ZZZ3: variants seen among roughly 807,000 people sequenced by gnomAD.
The protein encoded by ZZZ3 is zinc finger ZZ-type containing 3.
ZZZ3 carries 22 observed loss-of-function variants against 95.2 expected under a neutral mutation model. The ratio of observed to expected loss-of-function variants is 0.23; its 90% CI spans 0.17 to 0.33. The LOEUF (loss-of-function observed/expected upper bound fraction) is 0.33, where lower values mean the gene tolerates loss of function less well. Among genes scored for constraint, ZZZ3 ranks in the 10% least tolerant of loss-of-function variants. The probability of loss-of-function intolerance (pLI) is 1.00; values close to 1 mark genes in which losing one functional copy is unlikely to be tolerated. For missense variants in ZZZ3, 885 were observed against 1,066.5 expected, an observed-to-expected ratio of 0.83 and a Z score of 2.37; for synonymous variants, 335 against 358.9, an observed-to-expected ratio of 0.93 and a Z score of 0.75.
At chr1:77,656,622 A>T (rs898596636) in intron 1 of ZZZ3, among the ~76,000 whole-genome samples, 7 of 152,240 alleles carry the variant, frequency 4.6e-5, no homozygotes, top group Admixed American at 3.9e-4. Context: ...CTTGAATCTT[A>T]TCAGATATGC....
At chr1:77,583,477 G>T (rs1047864532) in intron 6 of ZZZ3, among the ~76,000 whole-genome samples, 1 of 152,074 alleles carries the variant, frequency 6.6e-6, no homozygotes, top group African/African-American at 2.4e-5. Flanking sequence ...AACCTTAGAA[G>T]TTTTAACAAA....
At position 77,568,459 on chromosome 1, in the gene ZZZ3, T is replaced by C; in HGVS notation, c.2339A>G (p.Glu780Gly). 8.3e-7 allele frequency: 1 copy of C among 1,212,030 alleles called. No individual in the cohort carries two copies. Among genetic ancestry groups the C allele is most frequent in the Non-Finnish European group, 1.1e-6 (1 of 885,360 alleles). The allele number at this position is 1,212,030 out of a possible 1,614,324, so 75.1% of individuals were successfully genotyped here. A position where few individuals can be genotyped will look rare whatever the true frequency, so the allele number is the denominator to read the frequency against. ...ATTCCTATACATGATAGGAATACTT[T>C]CGTCATCCTATCAAAAAAAAAAAAA... ...NTAVEDASDD[E>G]SIPIMYRNLP... Residue 780 changes from glutamate (E) to glycine (G), a missense_variant, in exon 13 of 15, where the codon GAA becomes GGA. Glu to Gly is a moderately conservative substitution (Grantham distance 98, BLOSUM62 -2). Coordinates refer to ENST00000370801, the MANE Select transcript of ZZZ3 (RefSeq NM_015534.6).
chr1:77,574,636 T>C (rs954780628), intron 12 of ZZZ3, among the ~76,000 whole-genome samples: 1 of 152,120 alleles, frequency 6.6e-6, no homozygotes, highest in African/African-American at 2.4e-5. Context: ...AAGATGAGCC[T>C]GGATTTTCCT....
At chr1:77,598,396 G>A (rs1664416286) in intron 5 of ZZZ3, among the ~76,000 whole-genome samples, 1 of 152,066 alleles carries the variant, frequency 6.6e-6, no homozygotes, top group Non-Finnish European at 1.5e-5. Context: ...AGGAGGGGTT[G>A]GTCTTGCTGT....
intron 5 of ZZZ3, among the ~76,000 whole-genome samples, chr1:77,625,622 C>T (rs1172540202): frequency 6.6e-6 from 1 of 152,108 alleles, no homozygotes; most frequent in African/African-American, 2.4e-5. Flanking sequence ...AGGAAAAAAA[C>T]AGACCTATTC....
rs149055318 is a variant in ZZZ3, at chr1:77,632,262, T to A, written c.1093A>T (p.Met365Leu). The A allele has an allele frequency of 1.8e-5, 29 of 1,614,080 alleles. No homozygotes were observed. The African/African-American group carries it at 3.7e-4, about 21-fold the overall frequency. Residue 365 changes from methionine (M) to leucine (L), a missense_variant, in exon 5 of 15, where the codon ATG becomes TTG. Coordinates refer to ENST00000370801, the MANE Select transcript of ZZZ3 (RefSeq NM_015534.6). The part of the protein sequence containing the change: ...SPVLDCVSAQ[M>L]MSLSEPQEHR... The stretch of plus-strand genomic sequence containing the variant: ...TCTTGAGGTTCTGATAAAGACATCA[T>A]TTGAGCTGAAACACAGTCTAGAACA...
intron 1 of ZZZ3, among the ~76,000 whole-genome samples, chr1:77,643,123 G>A (rs546753629): frequency 1.3e-5 from 2 of 151,808 alleles, no homozygotes; most frequent in African/African-American, 2.4e-5. Context: ...ATCCTTAGAG[G>A]GGCAGTGAGA....
In ZZZ3 at chr1:77,675,293, T is replaced by TG. The variant is rs1320486362; in HGVS notation, c.-403+7291dup. 2.6e-5 allele frequency among the ~76,000 whole-genome samples: 4 copies of TG among 152,106 alleles called. No individual in the cohort carries two copies. The East Asian group carries it at 7.7e-4, about 29-fold the overall frequency. On this transcript the variant is annotated intron_variant, in intron 1 of 14. Transcript: ENST00000370801. ...CAATCTGCTTTCCAACGGGAAAGTG[T>TG]GTAACAACGGCAGGATCTATTTTCC...
chr1:77,646,260 C>A (rs186447138), intron 1 of ZZZ3, among the ~76,000 whole-genome samples: 2 of 151,892 alleles, frequency 1.3e-5, no homozygotes, highest in African/African-American at 4.8e-5. Flanking sequence ...CACTCTGTTG[C>A]CCAGGCTGGA....
intron 1 of ZZZ3, among the ~76,000 whole-genome samples, chr1:77,652,777 CAGTG>C (rs1669926584): frequency 6.6e-6 from 1 of 152,142 alleles, no homozygotes; most frequent in Non-Finnish European, 1.5e-5. Flanking sequence ...CCATAAAAAA[CAGTG>C]AGGTATTGAC....
chr1:77,675,737 T>C (rs1672202672), intron 1 of ZZZ3, among the ~76,000 whole-genome samples: 1 of 152,208 alleles, frequency 6.6e-6, no homozygotes, highest in Non-Finnish European at 1.5e-5. Flanking sequence ...AACAGCTTTG[T>C]AGCCATCACA....
Position 77,619,901 on chromosome 1 carries a change from T to C in ZZZ3, c.1505+11949A>G, listed in dbSNP as rs554874702. Among the ~76,000 whole-genome samples the C allele has an allele frequency of 3.9e-5, 6 of 152,302 alleles. No individual in the cohort carries two copies. In the East Asian group the frequency reaches 1.2e-3, roughly 29 times the overall value. On this transcript the variant is annotated intron_variant, in intron 5 of 14. Coordinates refer to ENST00000370801, the MANE Select transcript of ZZZ3 (RefSeq NM_015534.6). Reference sequence around the variant, plus strand: ...TCAAATAATGGTATTTAAATTTTTCTACTATGAAAAGCATGCTAAATTTTT... The same window carrying C: ...TCAAATAATGGTATTTAAATTTTTCCACTATGAAAAGCATGCTAAATTTTT...
At chr1:77,638,279 C>T (rs1668470799) in intron 4 of ZZZ3, among the ~76,000 whole-genome samples, 1 of 152,156 alleles carries the variant, frequency 6.6e-6, no homozygotes, top group Admixed American at 6.5e-5. Context: ...ATCCTACCCA[C>T]ATATTTGCTG....
At chr1:77,665,037 A>G (rs1199206510) in intron 1 of ZZZ3, among the ~76,000 whole-genome samples, 3 of 152,228 alleles carry the variant, frequency 2.0e-5, no homozygotes, top group African/African-American at 7.2e-5. Context: ...AATGTCTTTA[A>G]ATGATCTAAA....
chr1:77,645,677 A>G (rs920659630), intron 1 of ZZZ3: 6 of 152,300 alleles, frequency 3.9e-5, no homozygotes, highest in African/African-American at 1.4e-4. Flanking sequence ...TCATTCTTAA[A>G]AATTCAGATT....
chr1:77,602,795 G>A (rs1271760142), intron 5 of ZZZ3, among the ~76,000 whole-genome samples: 1 of 151,492 alleles, frequency 6.6e-6, no homozygotes, highest in Non-Finnish European at 1.5e-5. Context: ...TAGTAGAGAC[G>A]GGGTTTCACC....
At chr1:77,660,623 T>C (rs1295414584) in intron 1 of ZZZ3, among the ~76,000 whole-genome samples, 1 of 152,228 alleles carries the variant, frequency 6.6e-6, no homozygotes, top group Non-Finnish European at 1.5e-5. Context: ...AATGGACACT[T>C]GGGTTGCTTT....
chr1:77,661,936 TCTC>T, intron 1 of ZZZ3, among the ~76,000 whole-genome samples: 1 of 151,088 alleles, frequency 6.6e-6, no homozygotes, highest in Non-Finnish European at 1.5e-5. Context: ...CCCACCTAAA[TCTC>T]CTGAGTAGCT....
At position 77,570,643 on chromosome 1, in the gene ZZZ3, TTTA is replaced by T. The variant is rs972717767; in HGVS notation, c.2332-2180_2332-2178del. On this transcript the variant is annotated intron_variant, in intron 12 of 14. Coordinates refer to ENST00000370801, the MANE Select transcript of ZZZ3 (RefSeq NM_015534.6). ...CTTATCTCCCACTTTTTCCTGTTAT[TTTA>T]TTTTTATTTTTATTATTTTATTATT... 1.9e-3 allele frequency among the ~76,000 whole-genome samples: 287 copies of T among 150,670 alleles called. 1 individual carries two copies. The highest frequency in any genetic ancestry group is 6.3e-3 in the African/African-American group (259 of 41,228).
Sources: gnomAD v4.1 joint callset for allele counts (sites outside exome capture counted in the v4.1 genomes callset) on GRCh38, gnomAD v4.1.1 for gene constraint, MANE v1.5 for transcripts, NCBI Gene and HGNC (gene_info 2026-07-23, HGNC 2026-07-21) for gene names.